SENP5: variants seen among roughly 807,000 people sequenced by gnomAD.
SENP5 encodes the protein SUMO specific peptidase 5.
In SENP5, 21 loss-of-function variants were observed where a neutral mutation model predicts 74.2. The ratio of observed to expected loss-of-function variants is 0.28; its 90% CI spans 0.20 to 0.41. SENP5 has a LOEUF of 0.41. Among genes scored for constraint, SENP5 ranks in the 10% least tolerant of loss-of-function variants. The probability of loss-of-function intolerance (pLI) is 1.00; values close to 1 mark genes in which losing one functional copy is unlikely to be tolerated. For missense variants in SENP5, 717 were observed against 889.1 expected (o/e 0.81, Z 2.46); for synonymous variants, 311 against 312.7 (o/e 0.99, Z 0.06).
At chr3:196,889,700 C>T (rs1488877352) in intron 2 of SENP5, among the ~76,000 whole-genome samples, 1 of 152,194 alleles carries the variant, frequency 6.6e-6, no homozygotes, top group Non-Finnish European at 1.5e-5. Context: ...ATTAAAAACA[C>T]ATGTGTCTTC....
At chr3:196,906,543 A>G (rs559331315) in intron 6 of SENP5, among the ~76,000 whole-genome samples, 10 of 152,326 alleles carry the variant, frequency 6.6e-5, no homozygotes, top group African/African-American at 2.2e-4. Flanking sequence ...GGGTAAGGGA[A>G]TGTTTCTCAT....
chr3:196,872,961 T>A (rs1289443491), intron 1 of SENP5, among the ~76,000 whole-genome samples: 1 of 152,154 alleles, frequency 6.6e-6, no homozygotes, highest in Non-Finnish European at 1.5e-5. Context: ...CCAATCCTTT[T>A]ATTTTTAGCG....
At chr3:196,868,152 T>C (rs1196158615) in intron 1 of SENP5, 79 bp downstream of exon 1, 1 of 152,202 alleles carries the variant, frequency 6.6e-6, no homozygotes, top group Admixed American at 6.5e-5. Flanking sequence ...CCCGCGCCGG[T>C]GCGCCACCTC....
intron 2 of SENP5, 104 bp from the exon 3 acceptor site, chr3:196,899,562 A>C (rs1363212124): frequency 1.5e-6 from 1 of 677,536 alleles, no homozygotes; most frequent in African/African-American, 1.8e-5. Context: ...TAGGTTAACC[A>C]CTGTATGTGT....
At chr3:196,910,844 A>G (rs961437472) in intron 6 of SENP5, among the ~76,000 whole-genome samples, 1 of 152,230 alleles carries the variant, frequency 6.6e-6, no homozygotes, top group African/African-American at 2.4e-5. Flanking sequence ...TACAGTAGCC[A>G]AAACAACGTG....
chr3:196,923,688 G>A (rs1474635051), intron 7 of SENP5, 137 bp downstream of exon 7: 1 of 574,378 alleles, frequency 1.7e-6, no homozygotes, highest in Non-Finnish European at 3.0e-6. Flanking sequence ...TGTTAGCTGA[G>A]AAAAGGACTA....
intron 1 of SENP5, among the ~76,000 whole-genome samples, chr3:196,882,073 A>G (rs1050230805): frequency 6.6e-6 from 1 of 150,806 alleles, no homozygotes. Context: ...ATTTTTTTGT[A>G]TTTTTAGTAG....
Position 196,877,023 on chromosome 3 carries a change from A to G in SENP5, c.-31-8128A>G, listed in dbSNP as rs139124213. Reference sequence around the variant, plus strand: ...CCCACATTGCTTACTTTTTAATTAAAACAAATTTGCTTTTGGCTGGGCATG... The same window carrying G: ...CCCACATTGCTTACTTTTTAATTAAGACAAATTTGCTTTTGGCTGGGCATG... On this transcript the variant is annotated intron_variant, in intron 1 of 9. Transcript: ENST00000323460. Among the ~76,000 whole-genome samples the G allele has an allele frequency of 2.0e-4, 30 of 152,232 alleles. No homozygotes were observed. In the East Asian group the frequency reaches 5.8e-3, roughly 29 times the overall value.
chr3:196,900,091 A>G (rs781252281), intron 4 of SENP5, 29 bp downstream of exon 4: 6 of 1,597,354 alleles, frequency 3.8e-6, no homozygotes, highest in Non-Finnish European at 5.1e-6. Context: ...TTCAGTGTGG[A>G]GAAGTTGCAG....
At chr3:196,868,831 T>C (rs1205610114) in intron 1 of SENP5, among the ~76,000 whole-genome samples, 1 of 151,802 alleles carries the variant, frequency 6.6e-6, no homozygotes, top group African/African-American at 2.4e-5. Context: ...AGAATCTGGT[T>C]AAATTTAATT....
At chr3:196,924,804 G>T (rs1400286028) in intron 7 of SENP5, among the ~76,000 whole-genome samples, 1 of 152,150 alleles carries the variant, frequency 6.6e-6, no homozygotes, top group Non-Finnish European at 1.5e-5. Context: ...GTTCATGGCA[G>T]CATTATTTAT....
At chr3:196,883,918 C>A (rs1196831950) in intron 1 of SENP5, among the ~76,000 whole-genome samples, 1 of 152,158 alleles carries the variant, frequency 6.6e-6, no homozygotes. Flanking sequence ...TCTCGAACTC[C>A]TGACCTCAGG....
intron 6 of SENP5, among the ~76,000 whole-genome samples, chr3:196,923,066 T>G (rs537659055): frequency 6.6e-6 from 1 of 152,226 alleles, no homozygotes; most frequent in Non-Finnish European, 1.5e-5. Flanking sequence ...TATACCATTT[T>G]CTAATACTAT....
intron 5 of SENP5, among the ~76,000 whole-genome samples, chr3:196,902,781 C>T (rs1437387892): frequency 1.3e-5 from 2 of 152,238 alleles, no homozygotes; most frequent in Admixed American, 6.5e-5. Context: ...ACCTGATACT[C>T]TGTACAGCCA....
chr3:196,909,359 C>T (rs1019280854), intron 6 of SENP5, among the ~76,000 whole-genome samples: 1 of 152,204 alleles, frequency 6.6e-6, no homozygotes, highest in East Asian at 1.9e-4. Flanking sequence ...ACCATTCCTT[C>T]TGAAACTATT....
chr3:196,871,758 G>A (rs1379357891), intron 1 of SENP5, among the ~76,000 whole-genome samples: 1 of 151,708 alleles, frequency 6.6e-6, no homozygotes, highest in East Asian at 1.9e-4. Flanking sequence ...AGGAGGCTGA[G>A]GCAGGAGAAT....
intron 6 of SENP5, among the ~76,000 whole-genome samples, chr3:196,907,889 T>G (rs1291866512): frequency 1.5e-5 from 2 of 135,666 alleles, no homozygotes; most frequent in Non-Finnish European, 3.3e-5. Flanking sequence ...GAGATTGGGT[T>G]AAGTAAAAAA....
Position 196,931,817 on chromosome 3 carries a change from G to A in SENP5, c.*894G>A, listed in dbSNP as rs144597823. On this transcript the variant is annotated 3_prime_UTR_variant, in exon 10 of 10. Transcript: ENST00000323460. ...ATTTCCCTGTGTTGCCTCCCAATTG[G>A]AAGAAGTTAAGGTTTACCAAATGCA... 65 of 366,888 alleles carry A rather than the reference G, an allele frequency of 1.8e-4. 1 individual carries two copies. In the East Asian group the frequency reaches 6.0e-3, roughly 34 times the overall value. The allele number at this position is 366,888 out of a possible 1,614,324, so 22.7% of individuals were successfully genotyped here.
intron 1 of SENP5, among the ~76,000 whole-genome samples, chr3:196,883,610 A>C (rs775933443): frequency 1.3e-5 from 2 of 151,718 alleles, no homozygotes; most frequent in Non-Finnish European, 2.9e-5. Flanking sequence ...TTCCTTTTCA[A>C]CACCACCCAT....
Sources: gnomAD v4.1 joint callset for allele counts (sites outside exome capture counted in the v4.1 genomes callset) on GRCh38, gnomAD v4.1.1 for gene constraint, MANE v1.5 for transcripts, NCBI Gene and HGNC (gene_info 2026-07-23, HGNC 2026-07-21) for gene names.